The following TBL1Y variants were observed in gnomAD, a reference collection of about 807,000 sequenced individuals.
The protein encoded by TBL1Y is F-box-like/WD repeat-containing protein TBL1Y.
TBL1Y carries 15 observed loss-of-function variants against 12.0 expected under a neutral mutation model. The ratio of observed to expected loss-of-function variants is 1.25; its 90% CI spans 0.83 to 1.92. The LOEUF (loss-of-function observed/expected upper bound fraction) is 1.92, where lower values mean the gene tolerates loss of function less well. Among genes scored for constraint, TBL1Y ranks in the 40% most tolerant of loss-of-function variants. The pLI is 0.00. For synonymous variants in TBL1Y, 53 were observed against 42.6 expected, an observed-to-expected ratio of 1.24 and a Z score of -0.95; for missense variants, 148 against 116.7, an observed-to-expected ratio of 1.27 and a Z score of -1.24.
Position 7,071,754 on chromosome Y carries a change from G to C in TBL1Y, c.818G>C (p.Gly273Ala). The change falls in exon 12 of 19, where the codon GGC becomes GCC. Residue 273 changes from glycine to alanine, a missense_variant. Transcript: ENST00000383032. The stretch of plus-strand genomic sequence containing the variant: ...ACAGGTAACCTGGCCAGCACCTTAG[G>C]CCAACATAAAGGCCCCATCTTCGCT... ...TENGNLASTL[G>A]QHKGPIFALK... is the part of the protein sequence containing the mutation. 2 of 398,041 alleles carry C rather than the reference G, an allele frequency of 5.0e-6. No homozygotes were observed. The highest frequency in any genetic ancestry group is 7.1e-6 in the Non-Finnish European group (2 of 283,206).
chrY:6,916,808 G>T, intron 2 of TBL1Y, among the ~76,000 whole-genome samples: 1 of 34,608 alleles, frequency 2.9e-5, no homozygotes, highest in Non-Finnish European at 7.3e-5. Flanking sequence ...TTGGAACGAT[G>T]TTTTCAACAC....
intron 2 of TBL1Y, among the ~76,000 whole-genome samples, chrY:6,956,210 C>A: frequency 9.1e-5 from 3 of 32,926 alleles, no homozygotes; most frequent in Non-Finnish European, 2.2e-4. Flanking sequence ...AAAGCTCAAA[C>A]CAGCCTGGGA....
At position 7,001,762 on chromosome Y, in the gene TBL1Y, G is replaced by A. The variant is rs763886379; in HGVS notation, c.-140+5864G>A. Reference sequence around the variant, plus strand: ...AAAATAAAAGATATATCTTTTTATCGTTAGACCTTCCAGTAATGTGTGAAG... The same window carrying A: ...AAAATAAAAGATATATCTTTTTATCATTAGACCTTCCAGTAATGTGTGAAG... On this transcript the variant is annotated intron_variant, in intron 4 of 18. Coordinates refer to ENST00000383032, the MANE Select transcript of TBL1Y (RefSeq NM_033284.2). Among the ~76,000 whole-genome samples the A allele has an allele frequency of 1.2e-4, 4 of 34,132 alleles. No homozygotes were observed. The South Asian group carries it at 1.9e-3, about 16-fold the overall frequency. 91.6% of individuals were successfully genotyped at this position (34,132 alleles called of 37,273 possible). A position where few individuals can be genotyped will look rare whatever the true frequency, so the allele number is the denominator to read the frequency against.
At chrY:7,001,560 A>G in intron 4 of TBL1Y, among the ~76,000 whole-genome samples, 4 of 32,078 alleles carry the variant, frequency 1.2e-4, no homozygotes, top group Non-Finnish European at 3.0e-4. Context: ...CGGAGCTTGC[A>G]GTGAGCTGAG....
At chrY:6,931,778 A>G (rs778760512) in intron 2 of TBL1Y, among the ~76,000 whole-genome samples, 1 of 34,035 alleles carries the variant, frequency 2.9e-5, no homozygotes, top group African/African-American at 1.1e-4. Flanking sequence ...TAGAAACACT[A>G]GTTGCAAAAA....
At chrY:7,050,090 C>T in intron 7 of TBL1Y, among the ~76,000 whole-genome samples, 1 of 33,231 alleles carries the variant, frequency 3.0e-5, no homozygotes, top group Non-Finnish European at 7.4e-5. Context: ...CCACAGAGAC[C>T]AGAGACTCAC....
At chrY:6,980,941 T>G in intron 3 of TBL1Y, among the ~76,000 whole-genome samples, 1 of 33,858 alleles carries the variant, frequency 3.0e-5, no homozygotes, top group African/African-American at 1.2e-4. Context: ...ATTAGTCACA[T>G]TTTGAATGTT....
At chrY:6,927,763 G>C in intron 2 of TBL1Y, among the ~76,000 whole-genome samples, 1 of 33,381 alleles carries the variant, frequency 3.0e-5, no homozygotes. Context: ...ACATGAAATA[G>C]TGCCAGAAAT....
intron 6 of TBL1Y, among the ~76,000 whole-genome samples, chrY:7,031,138 A>T: frequency 9.0e-5 from 3 of 33,382 alleles, no homozygotes; most frequent in Non-Finnish European, 2.2e-4. Flanking sequence ...TGATGATGTC[A>T]TTCAGATGAG....
intron 2 of TBL1Y, among the ~76,000 whole-genome samples, chrY:6,943,463 G>A: frequency 3.0e-5 from 1 of 33,007 alleles, no homozygotes; most frequent in Admixed American, 2.8e-4. Context: ...GACCTCTTGC[G>A]GATACCCAAA....
chrY:6,951,961 C>T (rs1603028723), intron 2 of TBL1Y, among the ~76,000 whole-genome samples: 15 of 33,541 alleles, frequency 4.5e-4, no homozygotes, highest in Non-Finnish European at 9.5e-4. Context: ...GCAGGTTGTT[C>T]TGTTTCCATG....
In TBL1Y at chrY:7,064,052, G is replaced by C. The variant is rs373544762; in HGVS notation, c.360G>C (p.Lys120Asn). ...CCACAGAGGCATCAGCAATGGCAAA[G>C]GCGGCAACCATGACCCCAGCTGCTA... ...AAATEASAMA[K>N]AATMTPAAIS... The change falls in exon 8 of 19, where the codon AAG becomes AAC. Residue 120 changes from lysine (K) to asparagine (N), a missense_variant. By Grantham distance (94) the Lys-to-Asn change is moderately conservative. Coordinates refer to ENST00000383032, the MANE Select transcript of TBL1Y (RefSeq NM_033284.2). 20 of 396,618 alleles carry C rather than the reference G, an allele frequency of 5.0e-5. No homozygotes were observed. The highest frequency in any genetic ancestry group is 1.3e-4 in the African/African-American group (2 of 15,633).
intron 2 of TBL1Y, among the ~76,000 whole-genome samples, chrY:6,973,262 T>A: frequency 3.1e-5 from 1 of 32,766 alleles, no homozygotes; most frequent in East Asian, 8.2e-4. Context: ...CTTCCCCCAT[T>A]CCGTCCCCTC....
intron 2 of TBL1Y, among the ~76,000 whole-genome samples, chrY:6,923,369 GA>G (rs2011795928): frequency 6.0e-5 from 2 of 33,159 alleles, no homozygotes; most frequent in African/African-American, 1.2e-4. Flanking sequence ...GCCCGGCTGT[GA>G]ATGGGCAGTA....
chrY:7,034,325 T>C, intron 6 of TBL1Y, among the ~76,000 whole-genome samples: 1 of 32,671 alleles, frequency 3.1e-5, no homozygotes, highest in African/African-American at 1.2e-4. Context: ...CTCAAGGAAA[T>C]GAGAGGACAC....
At chrY:6,911,734 C>G (rs2011696696) in intron 1 of TBL1Y, among the ~76,000 whole-genome samples, 1 of 34,230 alleles carries the variant, frequency 2.9e-5, no homozygotes, top group African/African-American at 1.1e-4. Flanking sequence ...CCTTGCTTCC[C>G]AGTGGTACCT....
intron 7 of TBL1Y, among the ~76,000 whole-genome samples, chrY:7,062,370 G>A (rs771110166): frequency 6.7e-4 from 23 of 34,097 alleles, no homozygotes; most frequent in African/African-American, 2.6e-3. Context: ...TTACATCCTC[G>A]TTTGACCCAA....
intron 4 of TBL1Y, among the ~76,000 whole-genome samples, chrY:7,020,232 G>A (rs1603039095): frequency 3.0e-5 from 1 of 33,146 alleles, no homozygotes; most frequent in Non-Finnish European, 7.4e-5. Flanking sequence ...AGAGAAAATG[G>A]TGAGCCTTTA....
At chrY:6,935,090 A>G (rs2011894419) in intron 2 of TBL1Y, among the ~76,000 whole-genome samples, 1 of 29,097 alleles carries the variant, frequency 3.4e-5, no homozygotes, top group South Asian at 8.0e-4. Context: ...CTGGTCTTGG[A>G]CTCCTAGACT....
Sources: gnomAD v4.1 joint callset for allele counts (sites outside exome capture counted in the v4.1 genomes callset) on GRCh38, gnomAD v4.1.1 for gene constraint, MANE v1.5 for transcripts, NCBI Gene and HGNC (gene_info 2026-07-23, HGNC 2026-07-21) for gene names.